IRX3: variants seen among roughly 807,000 people sequenced by gnomAD.
The protein encoded by IRX3 is iroquois homeobox 3, also known as iroquois-class homeodomain protein IRX-3.
IRX3 carries 20 observed loss-of-function variants against 36.4 expected under a neutral mutation model. The observed-to-expected ratio is 0.55, with a 90% CI of 0.39 to 0.80. IRX3 has a LOEUF of 0.80. Ranked by LOEUF, IRX3 falls within the 30% of genes least tolerant of loss-of-function variation. The probability of loss-of-function intolerance (pLI) is 0.00; values close to 1 mark genes in which losing one functional copy is unlikely to be tolerated. For synonymous variants in IRX3, 404 were observed against 351.6 expected, an observed-to-expected ratio of 1.15 and a Z score of -1.67; for missense variants, 718 against 733.2, an observed-to-expected ratio of 0.98 and a Z score of 0.24.
At position 54,286,386 on chromosome 16, in the gene IRX3, G is replaced by A; in HGVS notation, c.-336C>T. On this transcript the variant is annotated 5_prime_UTR_variant, in exon 1 of 4. Transcript: ENST00000329734. ...CCGGAGCTGCCTCTGCCCGCTCCTC[G>A]CTCCTCACTGCCCTCCTCTCCCCAG... is the stretch of plus-strand genomic sequence containing the variant. 1.0e-6 allele frequency: 1 copy of A among 986,830 alleles called. No homozygotes were observed. Among genetic ancestry groups the A allele is most frequent in the Non-Finnish European group, 1.2e-6 (1 of 831,088 alleles). 61.1% of individuals were successfully genotyped at this position (986,830 alleles called of 1,614,324 possible). A position where few individuals can be genotyped will look rare whatever the true frequency, so the allele number is the denominator to read the frequency against.
At position 54,284,897 on chromosome 16, in the gene IRX3, G is replaced by T. The variant is rs777569439; in HGVS notation, c.984C>A (p.Pro328=). The part of the protein sequence containing the change: ...AVASPSLPSP[P]VSLDPCAPAP... Reference sequence around the variant, plus strand: ...CGGGAGCGCAGGGGTCCAGGCTCACGGGGGGCGACGGCAGAGACGGCGAGG... The same window carrying T: ...CGGGAGCGCAGGGGTCCAGGCTCACTGGGGGCGACGGCAGAGACGGCGAGG... Residue 328 remains proline (P), a synonymous_variant, in exon 2 of 4, where the codon CCC becomes CCA. Coordinates refer to ENST00000329734, the MANE Select transcript of IRX3 (RefSeq NM_024336.3). The surrounding 1 kb of genome is among the most constrained non-coding windows in gnomAD (Gnocchi z 4.0). 5.1e-6 allele frequency: 8 copies of T among 1,573,524 alleles called. No homozygotes were observed. The highest frequency in any genetic ancestry group is 6.9e-6 in the Non-Finnish European group (8 of 1,160,734).
Position 54,285,988 on chromosome 16 carries a change from C to A in IRX3, c.63G>T (p.Gly21=), listed in dbSNP as rs1355544427. The A allele has an allele frequency of 1.6e-5, 22 of 1,360,620 alleles. No individual in the cohort carries two copies. Among genetic ancestry groups the A allele is most frequent in the South Asian group, 1.6e-4 (8 of 51,566 alleles). 84.3% of individuals were successfully genotyped at this position (1,360,620 alleles called of 1,614,324 possible). A position where few individuals can be genotyped will look rare whatever the true frequency, so the allele number is the denominator to read the frequency against. The change falls in exon 1 of 4, where the codon GGG becomes GGT. Residue 21 remains glycine, a synonymous_variant. Transcript: ENST00000329734. The surrounding 1 kb of genome is among the most constrained non-coding windows in gnomAD (Gnocchi z 5.7). ...CGCTGCCGCCGCTGCCGCCAGCGGCCCCCGGGCGCTCGGACGGGTAAAGCG... is the reference window on the plus strand; with the variant it reads ...CGCTGCCGCCGCTGCCGCCAGCGGCACCCGGGCGCTCGGACGGGTAAAGCG... The part of the protein sequence containing the change: ...IRPLYPSERP[G]AAGGSGGSAG...
At position 54,286,499 on chromosome 16, in the gene IRX3, T is replaced by G; in HGVS notation, c.-449A>C. On this transcript the variant is annotated 5_prime_UTR_variant, in exon 1 of 4. Transcript: ENST00000329734. The stretch of plus-strand genomic sequence containing the variant: ...CTCCCCTCCCCTCTCCGCACTCCTC[T>G]TCCCCCCAGGATCGCTTCCGCTGCT... 1.4e-5 allele frequency: 8 copies of G among 582,808 alleles called. No individual in the cohort carries two copies. Among genetic ancestry groups the G allele is most frequent in the Non-Finnish European group, 1.7e-5 (8 of 463,054 alleles). 36.1% of individuals were successfully genotyped at this position (582,808 alleles called of 1,614,324 possible).
chr16:54,283,455 C>A lies in IRX3; in HGVS notation c.*231G>T, dbSNP rs540943655. ...TCACTGAAACTCCACCCCCCAAAATCAACCGGACAAACAAACCTCACAGCG... is the reference window on the plus strand; with the variant it reads ...TCACTGAAACTCCACCCCCCAAAATAAACCGGACAAACAAACCTCACAGCG... On this transcript the variant is annotated 3_prime_UTR_variant, in exon 4 of 4. Transcript: ENST00000329734. The surrounding 1 kb of genome is among the most constrained non-coding windows in gnomAD (Gnocchi z 4.4). The A allele has an allele frequency of 2.8e-5, 13 of 467,692 alleles. No homozygotes were observed. Among genetic ancestry groups the A allele is most frequent in the Non-Finnish European group, 3.9e-5 (10 of 256,934 alleles). 29.0% of individuals were successfully genotyped at this position (467,692 alleles called of 1,614,324 possible).
In IRX3 at chr16:54,285,651, G is replaced by A. The variant is rs1901312934; in HGVS notation, c.268-38C>T. 5 of 1,477,368 alleles carry A rather than the reference G, an allele frequency of 3.4e-6. No homozygotes were observed. The highest frequency in any genetic ancestry group is 2.5e-5 in the East Asian group (1 of 40,518). The allele number at this position is 1,477,368 out of a possible 1,614,324, so 91.5% of individuals were successfully genotyped here. A position where few individuals can be genotyped will look rare whatever the true frequency, so the allele number is the denominator to read the frequency against. On this transcript the variant is annotated intron_variant, in intron 1 of 3. Coordinates refer to ENST00000329734, the MANE Select transcript of IRX3 (RefSeq NM_024336.3). The surrounding 1 kb of genome is among the most constrained non-coding windows in gnomAD (Gnocchi z 5.7). ...GGAGAAGGAAGGGACACGCGCGGAG[G>A]GAGCGCGAGTGAGCCCCAGCCATCG...
In IRX3 at chr16:54,284,278, T is replaced by C; in HGVS notation, c.1419A>G (p.Leu473=). Residue 473 remains leucine, a synonymous_variant, in exon 3 of 4, where the codon TTA becomes TTG. Transcript: ENST00000329734. This position sits in a 1 kb window ranked among gnomAD's most constrained non-coding sequence, Gnocchi z 4.0. ...RCSALEVEKK[L]LKTAFQPVPR... is the part of the protein sequence containing the mutation. ...GCACGGGCTGGAAAGCTGTCTTGAG[T>C]AACTTTTTCTCCACTTCCAAGGCAC... The C allele has an allele frequency of 6.2e-7, 1 of 1,612,372 alleles. No homozygotes were observed. The highest frequency in any genetic ancestry group is 1.3e-5 in the African/African-American group (1 of 74,886).
Position 54,284,002 on chromosome 16 carries a change from G to T in IRX3, c.1451+244C>A. The T allele has an allele frequency of 7.0e-7, 1 of 1,426,176 alleles. No homozygotes were observed. The highest frequency in any genetic ancestry group is 1.5e-5 in the South Asian group (1 of 65,630). 88.3% of individuals were successfully genotyped at this position (1,426,176 alleles called of 1,614,324 possible). A position where few individuals can be genotyped will look rare whatever the true frequency, so the allele number is the denominator to read the frequency against. On this transcript the variant is annotated intron_variant, in intron 3 of 3. Coordinates refer to ENST00000329734, the MANE Select transcript of IRX3 (RefSeq NM_024336.3). This position sits in a 1 kb window ranked among gnomAD's most constrained non-coding sequence, Gnocchi z 4.0. ...GGGGCCTGTGGGCCCAGCCACGCAAGGCTTCCCCTAGAAGGTACAAGCGCT... is the reference window on the plus strand; with the variant it reads ...GGGGCCTGTGGGCCCAGCCACGCAATGCTTCCCCTAGAAGGTACAAGCGCT...
Position 54,284,539 on chromosome 16 carries a change from C to T in IRX3, c.1342G>A (p.Ala448Thr), listed in dbSNP as rs892370899. ...TCCGCTGGCCGAGCGAAGGCGGCGG[C>T]GGCAGCCGGGTGGCCCGCGGCTCCG... ...LPGAAGHPAAAAAFARPAEPE... is the reference protein window; with the variant it reads ...LPGAAGHPAATAAFARPAEPE... The change falls in exon 2 of 4, where the codon GCC becomes ACC. Residue 448 changes from alanine (A) to threonine (T), a missense_variant. Coordinates refer to ENST00000329734, the MANE Select transcript of IRX3 (RefSeq NM_024336.3). The surrounding 1 kb of genome is among the most constrained non-coding windows in gnomAD (Gnocchi z 4.0). The T allele has an allele frequency of 9.2e-5, 130 of 1,417,948 alleles. No individual in the cohort carries two copies. Among genetic ancestry groups the T allele is most frequent in the Non-Finnish European group, 1.1e-4 (124 of 1,096,182 alleles). The allele number at this position is 1,417,948 out of a possible 1,614,324, so 87.8% of individuals were successfully genotyped here.
chr16:54,285,583 C>T lies in IRX3; in HGVS notation c.298G>A (p.Gly100Arg), dbSNP rs766414791. Residue 100 changes from glycine to arginine, a missense_variant, in exon 2 of 4, where the codon GGG becomes AGG. Gly to Arg is a moderately radical substitution (Grantham distance 125). This residue lies in a region of IRX3 where 204 missense variants were observed against 181.4 expected (regional missense o/e 1.12). Transcript: ENST00000329734. The surrounding 1 kb of genome is among the most constrained non-coding windows in gnomAD (Gnocchi z 5.7). The part of the protein sequence containing the change: ...GAQYELKDSP[G>R]VQHPAAAAAF... ...GCAGCCGCGGCCGGATGCTGCACCC[C>T]GGGGCTGTCCTTCAGCTCATACTGC... is the stretch of plus-strand genomic sequence containing the variant. The T allele has an allele frequency of 4.4e-5, 69 of 1,565,914 alleles. No homozygotes were observed. Among genetic ancestry groups the T allele is most frequent in the Non-Finnish European group, 5.8e-5 (67 of 1,155,906 alleles).
rs1450079837 is a variant in IRX3, at chr16:54,285,029, G to C, written c.852C>G (p.Pro284=). 1.2e-6 allele frequency: 2 copies of C among 1,609,816 alleles called. No individual in the cohort carries two copies. The highest frequency in any genetic ancestry group is 1.7e-6 in the Non-Finnish European group (2 of 1,176,636). ...AGTCGCTATTTTTGGAGTCCGAAATGGGTCCCAGGCCTAGGTCGCCATCCC... is the reference window on the plus strand; with the variant it reads ...AGTCGCTATTTTTGGAGTCCGAAATCGGTCCCAGGCCTAGGTCGCCATCCC... ...ARRDGDLGLG[P]ISDSKNSDSE... is the part of the protein sequence containing the mutation. The change falls in exon 2 of 4, where the codon CCC becomes CCG. Residue 284 remains proline, a synonymous_variant. Transcript: ENST00000329734. This position sits in a 1 kb window ranked among gnomAD's most constrained non-coding sequence, Gnocchi z 5.7.
chr16:54,285,028 T>C lies in IRX3; in HGVS notation c.853A>G (p.Ile285Val). ...RRDGDLGLGP[I>V]SDSKNSDSED... ...GAGTCGCTATTTTTGGAGTCCGAAA[T>C]GGGTCCCAGGCCTAGGTCGCCATCC... Residue 285 changes from isoleucine to valine, a missense_variant, in exon 2 of 4, where the codon ATT becomes GTT. Physicochemically the swap from Ile to Val is conservative, Grantham distance 29. Around this residue, in one of 3 missense-constraint regions of IRX3, gnomAD observed 468 missense variants for 462.1 expected, o/e 1.01. Coordinates refer to ENST00000329734, the MANE Select transcript of IRX3 (RefSeq NM_024336.3). The surrounding 1 kb of genome is among the most constrained non-coding windows in gnomAD (Gnocchi z 5.7). 1 of 1,612,614 alleles carries C rather than the reference T, an allele frequency of 6.2e-7. No homozygotes were observed. Among genetic ancestry groups the C allele is most frequent in the Non-Finnish European group, 8.5e-7 (1 of 1,179,374 alleles).
At position 54,284,650 on chromosome 16, in the gene IRX3, G is replaced by T. The variant is rs1469220467; in HGVS notation, c.1231C>A (p.Arg411=). 4 of 1,380,784 alleles carry T rather than the reference G, an allele frequency of 2.9e-6. No individual in the cohort carries two copies. Among genetic ancestry groups the T allele is most frequent in the Middle Eastern group, 2.5e-4 (1 of 4,036 alleles). The allele number at this position is 1,380,784 out of a possible 1,614,324, so 85.5% of individuals were successfully genotyped here. A position where few individuals can be genotyped will look rare whatever the true frequency, so the allele number is the denominator to read the frequency against. Residue 411 remains arginine, a synonymous_variant, in exon 2 of 4, where the codon CGG becomes AGG. Coordinates refer to ENST00000329734, the MANE Select transcript of IRX3 (RefSeq NM_024336.3). This position sits in a 1 kb window ranked among gnomAD's most constrained non-coding sequence, Gnocchi z 4.0. ...PLGKFPAWTN[R]PFPGPPPGPR... ...CCGGGCGGTGGGCCTGGAAACGGCC[G>T]GTTGGTCCAAGCCGGGAACTTGCCC... is the stretch of plus-strand genomic sequence containing the variant.
Position 54,285,753 on chromosome 16 carries a change from C to A in IRX3, c.267+31G>T. 1 of 1,503,442 alleles carries A rather than the reference C, an allele frequency of 6.7e-7. No individual in the cohort carries two copies. Among genetic ancestry groups the A allele is most frequent in the Non-Finnish European group, 8.8e-7 (1 of 1,135,440 alleles). The allele number at this position is 1,503,442 out of a possible 1,614,324, so 93.1% of individuals were successfully genotyped here. A position where few individuals can be genotyped will look rare whatever the true frequency, so the allele number is the denominator to read the frequency against. On this transcript the variant is annotated intron_variant, in intron 1 of 3. Coordinates refer to ENST00000329734, the MANE Select transcript of IRX3 (RefSeq NM_024336.3). The surrounding 1 kb of genome is among the most constrained non-coding windows in gnomAD (Gnocchi z 5.7). ...AGCTCGCCCTGCGCCCCAGCGCCAA[C>A]CCCTCCTTCCCTGGCTCCGCGGGCT...
In IRX3 at chr16:54,286,016, C is replaced by T; in HGVS notation, c.35G>A (p.Arg12His). The T allele has an allele frequency of 4.5e-6, 6 of 1,342,138 alleles. No individual in the cohort carries two copies. The South Asian group carries it at 6.3e-5, about 14-fold the overall frequency. 83.1% of individuals were successfully genotyped at this position (1,342,138 alleles called of 1,614,324 possible). A position where few individuals can be genotyped will look rare whatever the true frequency, so the allele number is the denominator to read the frequency against. Residue 12 changes from arginine to histidine, a missense_variant, in exon 1 of 4, where the codon CGC (arginine) becomes CAC (histidine). Around this residue, in one of 3 missense-constraint regions of IRX3, gnomAD observed 204 missense variants for 181.4 expected, o/e 1.12. Coordinates refer to ENST00000329734, the MANE Select transcript of IRX3 (RefSeq NM_024336.3). ...SFPQLGYQYI[R>H]PLYPSERPGA... ...CGGGCGCTCGGACGGGTAAAGCGGGCGGATGTATTGGTATCCCAGCTGGGG... is the reference window on the plus strand; with the variant it reads ...CGGGCGCTCGGACGGGTAAAGCGGGTGGATGTATTGGTATCCCAGCTGGGG...
rs1447477356 is a variant in IRX3 at position 54,286,574 on chromosome 16, C to G, written c.-524G>C. 1 of 168,012 alleles carries G rather than the reference C, an allele frequency of 6.0e-6. No individual in the cohort carries two copies. Among genetic ancestry groups the G allele is most frequent in the Non-Finnish European group, 1.2e-5 (1 of 82,402 alleles). The allele number at this position is 168,012 out of a possible 1,614,324, so 10.4% of individuals were successfully genotyped here. A position where few individuals can be genotyped will look rare whatever the true frequency, so the allele number is the denominator to read the frequency against. ...GCTATGAAACTCTCCTTTCTCCTCT[C>G]CCCTTCTCTTTCCCTTTCTCACGAG... On this transcript the variant is annotated 5_prime_UTR_variant, in exon 1 of 4. Transcript: ENST00000329734.
Position 54,283,708 on chromosome 16 carries a change from A to G in IRX3, c.1484T>C (p.Leu495Ser). ...PQNHLDAALV[L>S]SALSSS ...GAACTAGGATGAGGAGAGAGCCGAT[A>G]AGACCAGGGCGGCGTCCAGATGGTT... The change falls in exon 4 of 4, where the codon TTA (leucine) becomes TCA (serine). Residue 495 changes from leucine to serine, a missense_variant. Leu to Ser is a moderately radical substitution (Grantham distance 145). This residue lies in a region of IRX3 where 468 missense variants were observed against 462.1 expected (regional missense o/e 1.01). Transcript: ENST00000329734. The surrounding 1 kb of genome is among the most constrained non-coding windows in gnomAD (Gnocchi z 4.4). 1 of 1,458,076 alleles carries G rather than the reference A, an allele frequency of 6.9e-7. No homozygotes were observed. The highest frequency in any genetic ancestry group is 9.6e-7 in the Non-Finnish European group (1 of 1,037,846). 90.3% of individuals were successfully genotyped at this position (1,458,076 alleles called of 1,614,324 possible).
In IRX3 at chr16:54,284,842, G is replaced by T. The variant is rs1192593659; in HGVS notation, c.1039C>A (p.Pro347Thr). 6.5e-7 allele frequency: 1 copy of T among 1,537,506 alleles called. No individual in the cohort carries two copies. The highest frequency in any genetic ancestry group is 8.7e-7 in the Non-Finnish European group (1 of 1,146,502). ...APAPASALQK[P>T]KIWSLAETAT... ...GTCTCCGCGAGGGACCAGATCTTGGGCTTCTGCAGGGCGGAGGCGGGGGCT... is the reference window on the plus strand; with the variant it reads ...GTCTCCGCGAGGGACCAGATCTTGGTCTTCTGCAGGGCGGAGGCGGGGGCT... The change falls in exon 2 of 4, where the codon CCC becomes ACC. Residue 347 changes from proline to threonine, a missense_variant. Pro to Thr is a conservative substitution (Grantham distance 38, BLOSUM62 -1). Around this residue, in one of 3 missense-constraint regions of IRX3, gnomAD observed 468 missense variants for 462.1 expected, o/e 1.01. Coordinates refer to ENST00000329734, the MANE Select transcript of IRX3 (RefSeq NM_024336.3). The surrounding 1 kb of genome is among the most constrained non-coding windows in gnomAD (Gnocchi z 4.0).
chr16:54,283,839 G>T lies in IRX3; in HGVS notation c.1452-99C>A. 1 of 1,566,340 alleles carries T rather than the reference G, an allele frequency of 6.4e-7. No homozygotes were observed. Among genetic ancestry groups the T allele is most frequent in the African/African-American group, 1.4e-5 (1 of 73,166 alleles). On this transcript the variant is annotated intron_variant, in intron 3 of 3. Coordinates refer to ENST00000329734, the MANE Select transcript of IRX3 (RefSeq NM_024336.3). This position sits in a 1 kb window ranked among gnomAD's most constrained non-coding sequence, Gnocchi z 4.4. Reference sequence around the variant, plus strand: ...CTACTTGGATTGGGGCCGATCGTCAGGAAGGTGTCGCAATGTAAAATTATG... The same window carrying T: ...CTACTTGGATTGGGGCCGATCGTCATGAAGGTGTCGCAATGTAAAATTATG...
Position 54,285,894 on chromosome 16 carries a change from G to A in IRX3, c.157C>T (p.Leu53Phe), listed in dbSNP as rs1370078803. Residue 53 changes from leucine to phenylalanine, a missense_variant, in exon 1 of 4, where the codon CTC becomes TTC. Transcript: ENST00000329734. This position sits in a 1 kb window ranked among gnomAD's most constrained non-coding sequence, Gnocchi z 5.7. ...TAGGGCGCCCCGTACACGGACGAGAGCACGTTGGACAGGGACCCCGAGGCG... is the reference window on the plus strand; with the variant it reads ...TAGGGCGCCCCGTACACGGACGAGAACACGTTGGACAGGGACCCCGAGGCG... ...LNASGSLSNV[L>F]SSVYGAPYAA... 4 of 1,535,916 alleles carry A rather than the reference G, an allele frequency of 2.6e-6. No homozygotes were observed. Among genetic ancestry groups the A allele is most frequent in the Non-Finnish European group, 3.5e-6 (4 of 1,142,132 alleles).
Sources: gnomAD v4.1 joint callset for allele counts on GRCh38, gnomAD v4.1.1 for gene constraint, gnomAD v4.1.1 regional missense constraint, Gnocchi (gnomAD v3.1) non-coding constraint, MANE v1.5 for transcripts, NCBI Gene and HGNC (gene_info 2026-07-23, HGNC 2026-07-21) for gene names.